PPP4R3A: variants seen among roughly 807,000 people sequenced by gnomAD.
PPP4R3A encodes the protein serine/threonine-protein phosphatase 4 regulatory subunit 3A.
Under a neutral mutation model 91.7 loss-of-function variants are expected in PPP4R3A, and 15 were observed. The observed-to-expected ratio is 0.16, with a 90% CI of 0.11 to 0.25. PPP4R3A has a LOEUF of 0.25. PPP4R3A is among the 10% of genes least tolerant of loss of function. The pLI, the probability that PPP4R3A is intolerant of heterozygous loss-of-function variation, is 1.00. For synonymous variants in PPP4R3A, 377 were observed against 348.7 expected, an observed-to-expected ratio of 1.08 and a Z score of -0.91; for missense variants, 623 against 998.4, an observed-to-expected ratio of 0.62 and a Z score of 5.07.
chr14:91,490,634 C>G (rs900210532), intron 2 of PPP4R3A, 113 bp downstream of exon 2: 3 of 768,306 alleles, frequency 3.9e-6, no homozygotes, highest in Admixed American at 3.0e-5. Context: ...TAGAATTTCA[C>G]TGCCAAACTG....
chr14:91,475,681 A>G, intron 7 of PPP4R3A, 130 bp downstream of exon 7: 1 of 829,376 alleles, frequency 1.2e-6, no homozygotes, highest in South Asian at 2.1e-5. Context: ...AATTTAGGGG[A>G]ACAATAAGCT....
intron 5 of PPP4R3A, 75 bp downstream of exon 5, chr14:91,476,834 G>T: frequency 7.8e-7 from 1 of 1,288,670 alleles, no homozygotes; most frequent in East Asian, 2.6e-5. Context: ...CAAAGTGCTG[G>T]GATTTACAGG....
intron 9 of PPP4R3A, among the ~76,000 whole-genome samples, chr14:91,472,824 A>ACCAAC (rs142250966): frequency 6.6e-6 from 1 of 150,402 alleles, no homozygotes; most frequent in African/African-American, 2.5e-5. Flanking sequence ...TTTGATAAAA[A>ACCAAC]CAACCAACCA....
intron 13 of PPP4R3A, chr14:91,461,818 T>G (rs1265529063): frequency 1.2e-6 from 1 of 864,448 alleles, no homozygotes; most frequent in Non-Finnish European, 1.7e-6. Flanking sequence ...AGAATCATAT[T>G]TAGTATCCCT....
In PPP4R3A at chr14:91,510,306, G is replaced by C. The variant is rs1173459782; in HGVS notation, c.-659C>G. 6.5e-6 allele frequency: 1 copy of C among 152,692 alleles called. No individual in the cohort carries two copies. The highest frequency in any genetic ancestry group is 2.4e-5 in the African/African-American group (1 of 41,480). The allele number at this position is 152,692 out of a possible 1,614,324, so 9.5% of individuals were successfully genotyped here. On this transcript the variant is annotated 5_prime_UTR_variant, in exon 1 of 15. Coordinates refer to ENST00000554943, the MANE Select transcript of PPP4R3A (RefSeq NM_001366432.2). ...CCATCTTGGTTCGCCCCTCAAAAGC[G>C]GCGCGCGGGGCCACCCAGGGAGCAG...
intron 1 of PPP4R3A, among the ~76,000 whole-genome samples, chr14:91,491,469 G>A (rs946437980): frequency 2.6e-5 from 4 of 151,832 alleles, no homozygotes; most frequent in Admixed American, 1.3e-4. Flanking sequence ...GTGCAGTGGC[G>A]CGATCTCGGC....
chr14:91,506,119 G>C (rs1051224355), intron 1 of PPP4R3A, among the ~76,000 whole-genome samples: 1 of 151,990 alleles, frequency 6.6e-6, no homozygotes, highest in South Asian at 2.1e-4. Context: ...CTACATTTTT[G>C]TATGTTTTTA....
At chr14:91,507,424 A>C (rs1459012061) in intron 1 of PPP4R3A, among the ~76,000 whole-genome samples, 1 of 134,424 alleles carries the variant, frequency 7.4e-6, no homozygotes, top group Non-Finnish European at 1.6e-5. Flanking sequence ...TATATAATAT[A>C]TATACTATAA....
chr14:91,498,443 A>AT (rs929603238), intron 1 of PPP4R3A, among the ~76,000 whole-genome samples: 4 of 152,210 alleles, frequency 2.6e-5, no homozygotes, highest in Admixed American at 6.5e-5. Flanking sequence ...TTTTTAAGTG[A>AT]TTTTTTTCCT....
At chr14:91,492,143 C>G (rs1890263787) in intron 1 of PPP4R3A, among the ~76,000 whole-genome samples, 1 of 152,230 alleles carries the variant, frequency 6.6e-6, no homozygotes, top group East Asian at 1.9e-4. Context: ...GTCAGATGAT[C>G]TGGGTTAAAA....
rs976775681 is a variant in PPP4R3A at position 91,510,080 on chromosome 14, C to T, written c.-433G>A. 5.4e-6 allele frequency: 2 copies of T among 371,240 alleles called. No individual in the cohort carries two copies. Among genetic ancestry groups the T allele is most frequent in the African/African-American group, 2.2e-5 (1 of 45,418 alleles). The allele number at this position is 371,240 out of a possible 1,614,324, so 23.0% of individuals were successfully genotyped here. ...CATATTTTCCTTCCTTATACCTGGC[C>T]CTGCCACCGCGGCCAGTGGCTCCCT... On this transcript the variant is annotated 5_prime_UTR_variant, in exon 1 of 15. Coordinates refer to ENST00000554943, the MANE Select transcript of PPP4R3A (RefSeq NM_001366432.2).
intron 2 of PPP4R3A, among the ~76,000 whole-genome samples, chr14:91,486,379 T>TAG (rs1889883750): frequency 6.6e-6 from 1 of 152,206 alleles, no homozygotes; most frequent in South Asian, 2.1e-4. Flanking sequence ...CTTGTCATGT[T>TAG]GCCTAGGCTG....
rs778901411 is a variant in PPP4R3A, at chr14:91,457,576, TAAAAAC to T, written c.*1177_*1182del. ...AAACTGGTATTCCAAAGGGAGTAGT[TAAAAAC>T]AAAAACAAGAAACATACAACTAATA... On this transcript the variant is annotated 3_prime_UTR_variant, in exon 15 of 15. Transcript: ENST00000554943. 2.6e-5 allele frequency: 4 copies of T among 152,580 alleles called. No homozygotes were observed. The East Asian group carries it at 5.8e-4, about 22-fold the overall frequency. 9.5% of individuals were successfully genotyped at this position (152,580 alleles called of 1,614,324 possible). A position where few individuals can be genotyped will look rare whatever the true frequency, so the allele number is the denominator to read the frequency against.
intron 1 of PPP4R3A, among the ~76,000 whole-genome samples, chr14:91,501,366 T>C (rs8014353): frequency 0.42 from 64,480 of 152,010 alleles, 14,244 homozygotes; most frequent in Admixed American, 0.45. Flanking sequence ...CTAGAGTATA[T>C]TGTCCTTATC....
intron 14 of PPP4R3A, among the ~76,000 whole-genome samples, chr14:91,460,619 TTTC>T (rs937843438): frequency 3.3e-5 from 5 of 151,286 alleles, no homozygotes; most frequent in South Asian, 2.1e-4. Context: ...TTCTACATTT[TTTC>T]TTAAGATTTT....
chr14:91,465,584 GA>G (rs952995131), intron 10 of PPP4R3A, among the ~76,000 whole-genome samples, 165 bp from the exon 11 acceptor site: 8 of 152,108 alleles, frequency 5.3e-5, no homozygotes, highest in African/African-American at 1.7e-4. Flanking sequence ...TAAGGATTAT[GA>G]AAATGTTATC....
Position 91,462,148 on chromosome 14 carries a change from C to T in PPP4R3A, c.2065G>A (p.Asp689Asn). 6.2e-7 allele frequency: 1 copy of T among 1,608,982 alleles called. No homozygotes were observed. Among genetic ancestry groups the T allele is most frequent in the East Asian group, 2.2e-5 (1 of 44,490 alleles). ...EEMWFNTDED[D>N]MEDGEAVVSP... ...ACTACAGCTTCTCCATCTTCCATGT[C>T]ATCTTCATCTGTGTTAAACCACATC... Residue 689 changes from aspartate to asparagine, a missense_variant, in exon 13 of 15, where the codon GAC (aspartate) becomes AAC (asparagine). Asp to Asn is a conservative substitution (Grantham distance 23). This residue lies in a region of PPP4R3A where 201 missense variants were observed against 229.9 expected (regional missense o/e 0.87). Coordinates refer to ENST00000554943, the MANE Select transcript of PPP4R3A (RefSeq NM_001366432.2).
intron 1 of PPP4R3A, among the ~76,000 whole-genome samples, chr14:91,499,143 T>C (rs1890779903): frequency 6.6e-6 from 1 of 151,424 alleles, no homozygotes; most frequent in African/African-American, 2.4e-5. Flanking sequence ...TACAGGCCCA[T>C]AGTTCCAGCC....
At chr14:91,469,439 T>C (rs554417402) in intron 10 of PPP4R3A, among the ~76,000 whole-genome samples, 2 of 152,190 alleles carry the variant, frequency 1.3e-5, no homozygotes, top group Non-Finnish European at 2.9e-5. Flanking sequence ...AAACTCCCCC[T>C]CTAAACTTGG....
Sources: gnomAD v4.1 joint callset for allele counts (sites outside exome capture counted in the v4.1 genomes callset) on GRCh38, gnomAD v4.1.1 for gene constraint, gnomAD v4.1.1 regional missense constraint, MANE v1.5 for transcripts, NCBI Gene and HGNC (gene_info 2026-07-23, HGNC 2026-07-21) for gene names.